Variants in CIDEA observed in about 807,000 individuals in gnomAD.
The protein encoded by CIDEA is lipid transferase CIDEA.
CIDEA carries 10 observed loss-of-function variants against 18.2 expected under a neutral mutation model. The ratio of observed to expected loss-of-function variants is 0.55; its 90% CI spans 0.34 to 0.93. CIDEA has a LOEUF of 0.93. Ranked by LOEUF, CIDEA falls within the 40% of genes least tolerant of loss-of-function variation. CIDEA has a pLI of 0.02. For missense variants in CIDEA, 309 were observed against 293.1 expected (o/e 1.05, Z -0.40); for synonymous variants, 128 against 124.8 (o/e 1.03, Z -0.17).
intron 3 of CIDEA, among the ~76,000 whole-genome samples, chr18:12,270,794 C>T (rs537926258): frequency 6.7e-6 from 1 of 148,794 alleles, no homozygotes; most frequent in South Asian, 2.1e-4. Flanking sequence ...AAATATTGGT[C>T]TGCATGGCTT....
chr18:12,262,177 A>G (rs1222152522), intron 1 of CIDEA, among the ~76,000 whole-genome samples: 3 of 151,802 alleles, frequency 2.0e-5, no homozygotes, highest in African/African-American at 7.3e-5. Flanking sequence ...TAAAAGGAGA[A>G]AAAAAAAGTA....
At chr18:12,254,615 C>A (rs758799631) in intron 1 of CIDEA, 194 bp downstream of exon 1, 3 of 1,505,544 alleles carry the variant, frequency 2.0e-6, no homozygotes, top group South Asian at 2.4e-5. Flanking sequence ...CAGCCGCGCC[C>A]GCGGGCAGAG....
Position 12,274,112 on chromosome 18 carries a change from C to A in CIDEA, c.350C>A (p.Thr117Asn). ...KWMPGSQHVP[T>N]CSPPKRSGIA... ...TCACAGGGCAGCCAGCACGTCCCCA[C>A]TTGCTCGCCGCCGAAGAGGTCGGGA... Residue 117 changes from threonine to asparagine, a missense_variant, in exon 4 of 5, where the codon ACT becomes AAT. By Grantham distance (65) the Thr-to-Asn change is moderately conservative (BLOSUM62 0). Transcript: ENST00000320477. 6.2e-7 allele frequency: 1 copy of A among 1,614,222 alleles called. No individual in the cohort carries two copies. Among genetic ancestry groups the A allele is most frequent in the Non-Finnish European group, 8.5e-7 (1 of 1,180,034 alleles).
intron 1 of CIDEA, chr18:12,254,892 C>G (rs938398930): frequency 1.6e-6 from 2 of 1,290,236 alleles, no homozygotes; most frequent in African/African-American, 1.5e-5. Context: ...CAGGCTTGGC[C>G]CCTCCTGGAA....
chr18:12,277,330 A>C lies in CIDEA; in HGVS notation c.*60A>C. The C allele has an allele frequency of 2.5e-6, 4 of 1,581,728 alleles. No individual in the cohort carries two copies. Among genetic ancestry groups the C allele is most frequent in the Non-Finnish European group, 2.6e-6 (3 of 1,154,876 alleles). Reference sequence around the variant, plus strand: ...CTGTGTTTCGTTTGGCTCAATGACGAATGTTGAAGATGCTTTTATGTTCTG... The same window carrying C: ...CTGTGTTTCGTTTGGCTCAATGACGCATGTTGAAGATGCTTTTATGTTCTG... On this transcript the variant is annotated 3_prime_UTR_variant, in exon 5 of 5. Coordinates refer to ENST00000320477, the MANE Select transcript of CIDEA (RefSeq NM_001279.4).
intron 1 of CIDEA, among the ~76,000 whole-genome samples, chr18:12,257,367 A>G (rs1280880007): frequency 6.6e-6 from 1 of 152,016 alleles, no homozygotes; most frequent in Non-Finnish European, 1.5e-5. Flanking sequence ...CCCCTCACCC[A>G]TGACACCAAA....
In CIDEA at chr18:12,264,376, G is replaced by A. The variant is rs1321902866; in HGVS notation, c.253G>A (p.Asp85Asn). The part of the protein sequence containing the change: ...LVLEEDGTVV[D>N]TEEFFQTLGD... The stretch of plus-strand genomic sequence containing the variant: ...GCTGGAGGAAGATGGCACCGTGGTG[G>A]ACACAGAAGAGTTCTTTCAGACCTT... Residue 85 changes from aspartate (D) to asparagine (N), a missense_variant, in exon 3 of 5, where the codon GAC becomes AAC. By Grantham distance (23) the Asp-to-Asn change is conservative. Transcript: ENST00000320477. 3.1e-6 allele frequency: 5 copies of A among 1,614,072 alleles called. No individual in the cohort carries two copies. The Admixed American group carries it at 5.0e-5, about 16-fold the overall frequency.
chr18:12,276,886 AG>A (rs1905352972), intron 4 of CIDEA, among the ~76,000 whole-genome samples: 1 of 152,164 alleles, frequency 6.6e-6, no homozygotes, highest in African/African-American at 2.4e-5. Flanking sequence ...GCCAGCAGCA[AG>A]GGGGTCCTCA....
chr18:12,270,311 A>G (rs1912476311), intron 3 of CIDEA, among the ~76,000 whole-genome samples: 1 of 151,838 alleles, frequency 6.6e-6, no homozygotes, highest in African/African-American at 2.4e-5. Flanking sequence ...TATATATTAT[A>G]TATATAACCT....
chr18:12,268,229 C>CTCTTTTT (rs1491473988), intron 3 of CIDEA, among the ~76,000 whole-genome samples: 1 of 72,998 alleles, frequency 1.4e-5, no homozygotes, highest in South Asian at 5.3e-4. Context: ...CATGCCCGGC[C>CTCTTTTT]ATTTTTTTTT....
chr18:12,275,892 A>G (rs1266857982), intron 4 of CIDEA, among the ~76,000 whole-genome samples: 1 of 152,136 alleles, frequency 6.6e-6, no homozygotes, highest in East Asian at 1.9e-4. Flanking sequence ...TTGGATTTTA[A>G]AAGTTAGGCA....
intron 1 of CIDEA, 53 bp downstream of exon 1, chr18:12,254,474 C>A (rs768222185): frequency 2.5e-6 from 4 of 1,580,388 alleles, no homozygotes; most frequent in Non-Finnish European, 2.6e-6. Context: ...GCCTTGCGTT[C>A]GGTGGCCTCA....
At chr18:12,257,144 G>T (rs1253130141) in intron 1 of CIDEA, among the ~76,000 whole-genome samples, 4 of 152,014 alleles carry the variant, frequency 2.6e-5, no homozygotes, top group African/African-American at 9.7e-5. Flanking sequence ...CCTTCTCTGC[G>T]TGGCTGTGCT....
rs1489786798 is a variant in CIDEA at position 12,255,084 on chromosome 18, G to C, written c.38+663G>C. On this transcript the variant is annotated intron_variant, in intron 1 of 4. Coordinates refer to ENST00000320477, the MANE Select transcript of CIDEA (RefSeq NM_001279.4). Reference sequence around the variant, plus strand: ...TCTTCCCTGCGCTTCGCACCCGCTCGTGGTCGAACAGGCAGCATTGGCTAT... The same window carrying C: ...TCTTCCCTGCGCTTCGCACCCGCTCCTGGTCGAACAGGCAGCATTGGCTAT... 6.8e-6 allele frequency: 3 copies of C among 444,180 alleles called. No homozygotes were observed. The Admixed American group carries it at 1.2e-4, about 17-fold the overall frequency. 27.5% of individuals were successfully genotyped at this position (444,180 alleles called of 1,614,324 possible).
In CIDEA at chr18:12,277,396, A is replaced by G; in HGVS notation, c.*126A>G. ...GAGGCCGCTGGTCACGCTGCTCAGG[A>G]GTGGTGCCCAGAAAAGGAAAGGGCT... On this transcript the variant is annotated 3_prime_UTR_variant, in exon 5 of 5. Coordinates refer to ENST00000320477, the MANE Select transcript of CIDEA (RefSeq NM_001279.4). 9.5e-7 allele frequency: 1 copy of G among 1,051,344 alleles called. No individual in the cohort carries two copies. Among genetic ancestry groups the G allele is most frequent in the Non-Finnish European group, 1.4e-6 (1 of 733,432 alleles). The allele number at this position is 1,051,344 out of a possible 1,614,324, so 65.1% of individuals were successfully genotyped here.
Position 12,271,883 on chromosome 18 carries a change from C to T in CIDEA, c.331-2210C>T, listed in dbSNP as rs1486983891. On this transcript the variant is annotated intron_variant, in intron 3 of 4. Transcript: ENST00000320477. ...AGGAAGAGCGCGGCCCCGCAGCCCC[C>T]GCCCGGCGAGGCCCCAGCGGATCCG... 1.2e-3 allele frequency among the ~76,000 whole-genome samples: 184 copies of T among 152,200 alleles called. 2 individuals carry two copies. The highest frequency in any genetic ancestry group is 1.6e-4 in the Non-Finnish European group (11 of 67,988).
At chr18:12,271,181 G>A (rs1159693212) in intron 3 of CIDEA, among the ~76,000 whole-genome samples, 1 of 152,126 alleles carries the variant, frequency 6.6e-6, no homozygotes, top group East Asian at 1.9e-4. Context: ...TTACAGGCGT[G>A]AGCCCAGGCG....
In CIDEA at chr18:12,259,073, C is replaced by T. The variant is rs1912117913; in HGVS notation, c.39-3752C>T. Among the ~76,000 whole-genome samples the T allele has an allele frequency of 4.6e-5, 7 of 152,322 alleles. No homozygotes were observed. In the South Asian group the frequency reaches 1.4e-3, roughly 32 times the overall value. On this transcript the variant is annotated intron_variant, in intron 1 of 4. Transcript: ENST00000320477. ...CACTCTCTTAATCGAGGTGACAGTT[C>T]AGAAGCTGTGTGCCAGTCCTGGGGC...
At chr18:12,272,583 G>T (rs950719670) in intron 3 of CIDEA, among the ~76,000 whole-genome samples, 2 of 152,062 alleles carry the variant, frequency 1.3e-5, no homozygotes, top group African/African-American at 4.8e-5. Context: ...CCTGACCTCA[G>T]GTCACCTGCT....
Sources: allele counts gnomAD v4.1 joint callset (sites outside exome capture counted in the v4.1 genomes callset), GRCh38; gene constraint gnomAD v4.1.1; transcripts MANE v1.5; gene names NCBI Gene and HGNC (gene_info 2026-07-23, HGNC 2026-07-21).